The following GPSM1 variants were observed in gnomAD, a reference collection of about 807,000 sequenced individuals.
GPSM1 encodes the protein G protein-signaling modulator 1.
In GPSM1, 48 loss-of-function variants were observed where a neutral mutation model predicts 70.5. That is an observed-to-expected ratio of 0.68 (90% CI 0.54 to 0.87). The LOEUF is 0.87. Among genes scored for constraint, GPSM1 ranks in the 40% least tolerant of loss-of-function variants. GPSM1 has a pLI of 0.00. For synonymous variants in GPSM1, 416 were observed against 430.1 expected, an observed-to-expected ratio of 0.97 and a Z score of 0.41; for missense variants, 981 against 972.6, an observed-to-expected ratio of 1.01 and a Z score of -0.11.
chr9:136,349,806 G>T, intron 11 of GPSM1, 43 bp downstream of exon 11: 2 of 1,506,116 alleles, frequency 1.3e-6, no homozygotes, highest in Non-Finnish European at 8.9e-7. Flanking sequence ...AGGGAGGAGA[G>T]CTTGGCAACT....
Position 136,355,781 on chromosome 9 carries a change from C to T in GPSM1, c.1547C>T (p.Pro516Leu), listed in dbSNP as rs1554772908. 1 of 1,612,152 alleles carries T rather than the reference C, an allele frequency of 6.2e-7. No individual in the cohort carries two copies. The highest frequency in any genetic ancestry group is 2.2e-5 in the East Asian group (1 of 44,840). The change falls in exon 12 of 14, where the codon CCC becomes CTC. Residue 516 changes from proline to leucine, a missense_variant. Pro to Leu is a moderately conservative substitution (Grantham distance 98). Transcript: ENST00000440944. Reference sequence around the variant, plus strand: ...AGCCGCATGGACGACCAGCGTTGTCCCCTGGACGATGGCCAGGCCGGGGCT... The same window carrying T: ...AGCCGCATGGACGACCAGCGTTGTCTCCTGGACGATGGCCAGGCCGGGGCT... The part of the protein sequence containing the change: ...QSSRMDDQRC[P>L]LDDGQAGAAE...
Position 136,341,302 on chromosome 9 carries a change from G to A in GPSM1, c.1207+309G>A. The A allele has an allele frequency of 6.9e-7, 1 of 1,453,130 alleles. No homozygotes were observed. The highest frequency in any genetic ancestry group is 9.0e-7 in the Non-Finnish European group (1 of 1,105,418). The allele number at this position is 1,453,130 out of a possible 1,614,324, so 90.0% of individuals were successfully genotyped here. A position where few individuals can be genotyped will look rare whatever the true frequency, so the allele number is the denominator to read the frequency against. On this transcript the variant is annotated intron_variant, in intron 9 of 13. Transcript: ENST00000440944. This position sits in a 1 kb window ranked among gnomAD's most constrained non-coding sequence, Gnocchi z 6.7. ...CTCCCCCTGGAGCCCTCGGTGCAGGGAGGGCTTCTGTCCTCAGACCCAAGT... is the reference window on the plus strand; with the variant it reads ...CTCCCCCTGGAGCCCTCGGTGCAGGAAGGGCTTCTGTCCTCAGACCCAAGT...
In GPSM1 at chr9:136,358,375, T is replaced by TG. The variant is rs1554773677; in HGVS notation, c.*156dup. On this transcript the variant is annotated 3_prime_UTR_variant, in exon 14 of 14. Coordinates refer to ENST00000440944, the MANE Select transcript of GPSM1 (RefSeq NM_001145638.3). ...CCAGGGCGACAGGCTCAGGCCAAGCTGCCCGTGGTGGGAGGGCGTGCTTCC... is the reference window on the plus strand; with the variant it reads ...CCAGGGCGACAGGCTCAGGCCAAGCTGGCCCGTGGTGGGAGGGCGTGCTTCC... The TG allele has an allele frequency of 3.1e-4, 220 of 702,208 alleles. No homozygotes were observed. The highest frequency in any genetic ancestry group is 4.8e-4 in the Non-Finnish European group (206 of 429,806). 43.5% of individuals were successfully genotyped at this position (702,208 alleles called of 1,614,324 possible). A position where few individuals can be genotyped will look rare whatever the true frequency, so the allele number is the denominator to read the frequency against.
rs1410790355 is a variant in GPSM1, at chr9:136,352,295, G to A, written c.1455+2532G>A. ...CTGTTGGTGACACCGATGCTGCGCC[G>A]TTGCTGTTGGTGACACCGATGCTGC... is the stretch of plus-strand genomic sequence containing the variant. On this transcript the variant is annotated intron_variant, in intron 11 of 13. Coordinates refer to ENST00000440944, the MANE Select transcript of GPSM1 (RefSeq NM_001145638.3). Among the ~76,000 whole-genome samples the A allele has an allele frequency of 8.2e-5, 12 of 146,242 alleles. 4 individuals are homozygous for A. Among genetic ancestry groups the A allele is most frequent in the African/African-American group, 3.0e-4 (12 of 39,550 alleles).
At position 136,341,678 on chromosome 9, in the gene GPSM1, T is replaced by C; in HGVS notation, c.1207+685T>C. ...TCCCCCACTCCCAAAGGTCTTGAGT[T>C]TGCCAGCCCCCGAGAAGGGATGCCT... On this transcript the variant is annotated intron_variant, in intron 9 of 13. Transcript: ENST00000440944. This position sits in a 1 kb window ranked among gnomAD's most constrained non-coding sequence, Gnocchi z 6.7. 3.0e-6 allele frequency: 3 copies of C among 992,520 alleles called. No individual in the cohort carries two copies. The highest frequency in any genetic ancestry group is 3.6e-6 in the Non-Finnish European group (3 of 833,842). 61.5% of individuals were successfully genotyped at this position (992,520 alleles called of 1,614,324 possible).
In GPSM1 at chr9:136,342,899, G is replaced by A. The variant is rs1361194465; in HGVS notation, c.1207+1906G>A. Among the ~76,000 whole-genome samples the A allele has an allele frequency of 7.1e-6, 1 of 140,200 alleles. No individual in the cohort carries two copies. The highest frequency in any genetic ancestry group is 1.6e-5 in the Non-Finnish European group (1 of 63,034). 92.0% of individuals were successfully genotyped at this position (140,200 alleles called of 152,430 possible). A position where few individuals can be genotyped will look rare whatever the true frequency, so the allele number is the denominator to read the frequency against. ...TCTGGAGGTGGGGCTTCAGCCCGGC[G>A]GGGACGCGGTGGGGCGTGGCCTTGC... On this transcript the variant is annotated intron_variant, in intron 9 of 13. Transcript: ENST00000440944. This position sits in a 1 kb window ranked among gnomAD's most constrained non-coding sequence, Gnocchi z 5.5.
chr9:136,345,985 A>C (rs1189657412), intron 9 of GPSM1, among the ~76,000 whole-genome samples: 1 of 152,162 alleles, frequency 6.6e-6, no homozygotes, highest in Non-Finnish European at 1.5e-5. Flanking sequence ...AATGTGCCGG[A>C]GCTAACCCTG....
chr9:136,356,313 C>G, intron 12 of GPSM1, 29 bp from the exon 13 acceptor site: 1 of 1,500,180 alleles, frequency 6.7e-7, no homozygotes, highest in Non-Finnish European at 9.0e-7. Flanking sequence ...CGCACTGGGT[C>G]CCAGGTCTCA....
At chr9:136,352,964 G>A in intron 11 of GPSM1, 1 of 325,384 alleles carries the variant, frequency 3.1e-6, no homozygotes, top group Non-Finnish European at 4.4e-6. Context: ...CAAGTGAGCA[G>A]GGGCGGGCGC....
chr9:136,352,854 G>A (rs377439048), intron 11 of GPSM1, among the ~76,000 whole-genome samples: 69 of 152,372 alleles, frequency 4.5e-4, no homozygotes, highest in African/African-American at 1.6e-3. Context: ...GGGAGGGGGA[G>A]GTTCACTGCT....
chr9:136,341,539 A>C lies in GPSM1; in HGVS notation c.1207+546A>C. ...ACACAGGACAGAACGTCCCCTGCAA[A>C]GCGAAAAGACTAATAGGTGCCAGGG... is the stretch of plus-strand genomic sequence containing the variant. On this transcript the variant is annotated intron_variant, in intron 9 of 13. Transcript: ENST00000440944. This position sits in a 1 kb window ranked among gnomAD's most constrained non-coding sequence, Gnocchi z 6.7. 1 of 1,092,908 alleles carries C rather than the reference A, an allele frequency of 9.1e-7. No homozygotes were observed. Among genetic ancestry groups the C allele is most frequent in the Non-Finnish European group, 1.1e-6 (1 of 896,772 alleles). The allele number at this position is 1,092,908 out of a possible 1,614,324, so 67.7% of individuals were successfully genotyped here.
chr9:136,340,337 G>A lies in GPSM1; in HGVS notation c.1083+522G>A, dbSNP rs530705171. ...GCATGGGAAGGTCAGCAGAGCCCTC[G>A]TCTGAAGAGCTTCACTGGCAGCCAG... On this transcript the variant is annotated intron_variant, in intron 8 of 13. Coordinates refer to ENST00000440944, the MANE Select transcript of GPSM1 (RefSeq NM_001145638.3). The surrounding 1 kb of genome is among the most constrained non-coding windows in gnomAD (Gnocchi z 7.3). Among the ~76,000 whole-genome samples, 85 of 152,170 alleles carry A rather than the reference G, an allele frequency of 5.6e-4. No homozygotes were observed. The highest frequency in any genetic ancestry group is 1.9e-3 in the African/African-American group (78 of 41,504).
rs1343826754 is a variant in GPSM1 at position 136,341,256 on chromosome 9, C to T, written c.1207+263C>T. 6.7e-7 allele frequency: 1 copy of T among 1,488,184 alleles called. No homozygotes were observed. Among genetic ancestry groups the T allele is most frequent in the Non-Finnish European group, 9.0e-7 (1 of 1,115,996 alleles). The allele number at this position is 1,488,184 out of a possible 1,614,324, so 92.2% of individuals were successfully genotyped here. A position where few individuals can be genotyped will look rare whatever the true frequency, so the allele number is the denominator to read the frequency against. On this transcript the variant is annotated intron_variant, in intron 9 of 13. Transcript: ENST00000440944. This position sits in a 1 kb window ranked among gnomAD's most constrained non-coding sequence, Gnocchi z 6.7. ...TGGTCGCCTGTTGCCCCACTGGCTGCTCCAGGGCCTCCACCCCCACCTCCC... is the reference window on the plus strand; with the variant it reads ...TGGTCGCCTGTTGCCCCACTGGCTGTTCCAGGGCCTCCACCCCCACCTCCC...
At chr9:136,353,201 G>A in intron 11 of GPSM1, 2 of 700,406 alleles carry the variant, frequency 2.9e-6, no homozygotes, top group Non-Finnish European at 3.5e-6. Flanking sequence ...GGCTGAGGGA[G>A]CACACGGGCC....
chr9:136,329,922 C>T (rs190598017), intron 1 of GPSM1, among the ~76,000 whole-genome samples: 2,154 of 127,834 alleles, frequency 0.017, 76 homozygotes, highest in African/African-American at 0.062. Flanking sequence ...TCGGTGGGGA[C>T]GGGCCCCTGG....
intron 6 of GPSM1, 30 bp from the exon 7 acceptor site, chr9:136,338,525 C>T: frequency 1.3e-6 from 2 of 1,592,554 alleles, no homozygotes; most frequent in African/African-American, 1.3e-5. Context: ...GAGCCCTCCT[C>T]CTGGGGGCTG....
At chr9:136,354,627 G>A (rs1832762971) in intron 11 of GPSM1, among the ~76,000 whole-genome samples, 1 of 152,242 alleles carries the variant, frequency 6.6e-6, no homozygotes, top group Admixed American at 6.5e-5. Context: ...ACACCCTTCA[G>A]CCCTGGGGCC....
At chr9:136,350,562 A>G (rs967550754) in intron 11 of GPSM1, among the ~76,000 whole-genome samples, 16 of 152,058 alleles carry the variant, frequency 1.1e-4, no homozygotes, top group African/African-American at 3.9e-4. Flanking sequence ...GGGGTCATGG[A>G]GGGGATGCAG....
At chr9:136,357,683 A>G (rs1331032693) in intron 13 of GPSM1, among the ~76,000 whole-genome samples, 1 of 152,144 alleles carries the variant, frequency 6.6e-6, no homozygotes, top group Admixed American at 6.5e-5. Flanking sequence ...GGATCAGCAG[A>G]TGTGGGGAGC....
Sources: gnomAD v4.1 joint callset for allele counts (sites outside exome capture counted in the v4.1 genomes callset) on GRCh38, gnomAD v4.1.1 for gene constraint, Gnocchi (gnomAD v3.1) non-coding constraint, MANE v1.5 for transcripts, NCBI Gene and HGNC (gene_info 2026-07-23, HGNC 2026-07-21) for gene names.